The following EFCAB6 variants were observed in gnomAD, a reference collection of about 807,000 sequenced individuals.
EFCAB6 encodes EF-hand calcium binding domain 6, also known as EF-hand calcium-binding domain-containing protein 6.
A neutral mutation model predicts 169.8 loss-of-function variants in EFCAB6; 156 were observed. That is an observed-to-expected ratio of 0.92 (90% CI 0.81 to 1.05). The LOEUF is 1.05. Ranked by LOEUF, EFCAB6 falls within the 50% of genes least tolerant of loss-of-function variation. The pLI is 0.00. For missense variants in EFCAB6, 1,800 were observed against 1,829.1 expected (o/e 0.98, Z 0.29); for synonymous variants, 698 against 676.4 (o/e 1.03, Z -0.50).
intron 6 of EFCAB6, among the ~76,000 whole-genome samples, chr22:43,752,916 C>T (rs1307886458): frequency 6.6e-6 from 1 of 152,152 alleles, no homozygotes; most frequent in Non-Finnish European, 1.5e-5. Flanking sequence ...ACGGCCACAG[C>T]AAGGGTTTTA....
At chr22:43,613,503 T>C (rs1308466834) in intron 21 of EFCAB6, among the ~76,000 whole-genome samples, 1 of 152,058 alleles carries the variant, frequency 6.6e-6, no homozygotes, top group African/African-American at 2.4e-5. Context: ...TGAAAATTAA[T>C]GCAGGAACAG....
chr22:43,571,274 C>T (rs192794933), intron 26 of EFCAB6, among the ~76,000 whole-genome samples: 216 of 152,322 alleles, frequency 1.4e-3, no homozygotes, highest in Admixed American at 2.0e-3. Context: ...GTCTTAACTA[C>T]AATTCCAGTT....
intron 10 of EFCAB6, among the ~76,000 whole-genome samples, chr22:43,699,606 A>G (rs915878960): frequency 5.9e-5 from 9 of 152,212 alleles, no homozygotes; most frequent in African/African-American, 2.2e-4. Context: ...TGATAAGCAT[A>G]CAGAATGATT....
Position 43,748,880 on chromosome 22 carries a change from A to G in EFCAB6, c.507+6886T>C, listed in dbSNP as rs2060657333. 2.0e-5 allele frequency among the ~76,000 whole-genome samples: 3 copies of G among 152,192 alleles called. No homozygotes were observed. The South Asian group carries it at 6.2e-4, about 32-fold the overall frequency. On this transcript the variant is annotated intron_variant, in intron 6 of 31. Transcript: ENST00000262726. Reference sequence around the variant, plus strand: ...CTGAAGTGTACTCGATGCACAAGCAAAAGACATGGGTATGTTCACCAGAGA... The same window carrying G: ...CTGAAGTGTACTCGATGCACAAGCAGAAGACATGGGTATGTTCACCAGAGA...
chr22:43,538,374 G>A (rs2047505329), intron 28 of EFCAB6, among the ~76,000 whole-genome samples: 1 of 151,948 alleles, frequency 6.6e-6, no homozygotes, highest in African/African-American at 2.4e-5. Context: ...AGCATCCAGA[G>A]TGTTTTTTGT....
Position 43,628,704 on chromosome 22 carries a change from T to C in EFCAB6, c.2233-2025A>G, listed in dbSNP as rs1484827619. Among the ~76,000 whole-genome samples the C allele has an allele frequency of 6.6e-6, 1 of 152,252 alleles. No individual in the cohort carries two copies. Among genetic ancestry groups the C allele is most frequent in the South Asian group, 2.1e-4 (1 of 4,826 alleles). ...CGCAGGGCTCACTCTGGCTCCTTCA[T>C]GACTGTGTCTGAGTGTCCCCTCTCC... On this transcript the variant is annotated intron_variant, in intron 19 of 31. Transcript: ENST00000262726. The surrounding 1 kb of genome is among the most constrained non-coding windows in gnomAD (Gnocchi z 4.8).
chr22:43,553,909 G>A (rs2147062873), intron 27 of EFCAB6: 1 of 152,904 alleles, frequency 6.5e-6, no homozygotes, highest in Middle Eastern at 3.3e-3. Flanking sequence ...CAGGGCCTGT[G>A]TCCAGCCTGT....
intron 7 of EFCAB6, among the ~76,000 whole-genome samples, chr22:43,733,867 C>G (rs1241771745): frequency 6.6e-6 from 1 of 152,110 alleles, no homozygotes; most frequent in Non-Finnish European, 1.5e-5. Flanking sequence ...CACCACCATG[C>G]CTGGCTAATT....
At chr22:43,662,629 T>C (rs549416572) in intron 17 of EFCAB6, among the ~76,000 whole-genome samples, 14 of 152,098 alleles carry the variant, frequency 9.2e-5, no homozygotes, top group Non-Finnish European at 1.8e-4. Context: ...GGCAAGAACA[T>C]TGTATATCCA....
intron 4 of EFCAB6, among the ~76,000 whole-genome samples, chr22:43,769,718 G>A (rs8141695): frequency 0.23 from 34,452 of 151,962 alleles, 5,144 homozygotes; most frequent in East Asian, 0.61. Flanking sequence ...TGTTGGAGGA[G>A]CCATCAAAGC....
chr22:43,723,438 T>C (rs2059609643), intron 8 of EFCAB6, among the ~76,000 whole-genome samples: 1 of 152,168 alleles, frequency 6.6e-6, no homozygotes. Flanking sequence ...ATCTAAAAGT[T>C]GAATTTTTTT....
chr22:43,564,879 AG>A (rs2049323984), intron 26 of EFCAB6, among the ~76,000 whole-genome samples: 1 of 152,202 alleles, frequency 6.6e-6, no homozygotes, highest in African/African-American at 2.4e-5. Context: ...ACTTCATAGA[AG>A]GGGGTGGTAG....
Position 43,678,069 on chromosome 22 carries a change from T to G in EFCAB6, c.1346A>C (p.Gln449Pro). The G allele has an allele frequency of 6.2e-7, 1 of 1,614,050 alleles. No individual in the cohort carries two copies. ...LSDSEFKELM[Q>P]MLDPGDTGVV... ...TCCAGTGTCCCCAGGGTCAAGCATT[T>G]GCATTAGTTCTTTGAATTCTGAATC... is the stretch of plus-strand genomic sequence containing the variant. Residue 449 changes from glutamine (Q) to proline (P), a missense_variant, in exon 13 of 32, where the codon CAA (glutamine) becomes CCA (proline). Gln to Pro is a moderately conservative substitution (Grantham distance 76). Transcript: ENST00000262726.
chr22:43,719,454 T>C (rs2059447004), intron 8 of EFCAB6, among the ~76,000 whole-genome samples: 1 of 152,194 alleles, frequency 6.6e-6, no homozygotes, highest in African/African-American at 2.4e-5. Flanking sequence ...TGGTGGCTTA[T>C]TAAGAACACA....
At chr22:43,683,040 T>C (rs1049173798) in intron 12 of EFCAB6, among the ~76,000 whole-genome samples, 5 of 152,130 alleles carry the variant, frequency 3.3e-5, no homozygotes, top group Non-Finnish European at 7.4e-5. Context: ...CGGCAGGTTC[T>C]AGGAGGCTGA....
intron 24 of EFCAB6, among the ~76,000 whole-genome samples, chr22:43,585,411 G>GA (rs2050997653): frequency 1.3e-5 from 2 of 152,068 alleles, no homozygotes; most frequent in Non-Finnish European, 2.9e-5. Context: ...AGAAACCTCT[G>GA]AAACTGAAAT....
intron 10 of EFCAB6, among the ~76,000 whole-genome samples, chr22:43,691,255 T>A (rs1295194186): frequency 6.6e-6 from 1 of 152,202 alleles, no homozygotes; most frequent in Non-Finnish European, 1.5e-5. Context: ...ATTTGCCAAT[T>A]ACTTTGATAT....
At chr22:43,656,309 A>G (rs5764188) in intron 17 of EFCAB6, among the ~76,000 whole-genome samples, 61,541 of 151,784 alleles carry the variant, frequency 0.41, 13,067 homozygotes, top group East Asian at 0.76. Context: ...AGAATCGCTT[A>G]AACCCAGGAG....
At chr22:43,549,002 AAG>A (rs779646339) in intron 27 of EFCAB6, among the ~76,000 whole-genome samples, 75 of 152,376 alleles carry the variant, frequency 4.9e-4, no homozygotes, top group Non-Finnish European at 8.5e-4. Context: ...TTGGAAACAA[AAG>A]AGAGCACTTT....
Sources: allele counts gnomAD v4.1 joint callset (sites outside exome capture counted in the v4.1 genomes callset), GRCh38; gene constraint gnomAD v4.1.1; non-coding constraint Gnocchi (gnomAD v3.1); transcripts MANE v1.5; gene names NCBI Gene and HGNC (gene_info 2026-07-23, HGNC 2026-07-21).